Variants in FBLN2 observed in about 807,000 individuals in gnomAD.
FBLN2 encodes the protein fibulin-2.
In FBLN2, 81 loss-of-function variants were observed where a neutral mutation model predicts 123.7. The observed-to-expected ratio is 0.65, with a 90% confidence interval of 0.55 to 0.79. FBLN2 has a LOEUF of 0.79. FBLN2 is among the 30% of genes least tolerant of loss of function. The pLI is 0.00. For missense variants in FBLN2, 1,603 were observed against 1,681.3 expected (o/e 0.95, Z 0.81); for synonymous variants, 699 against 701.4 (o/e 1.00, Z 0.05).
At chr3:13,589,910 G>T (rs1185986791) in intron 2 of FBLN2, among the ~76,000 whole-genome samples, 1 of 152,130 alleles carries the variant, frequency 6.6e-6, no homozygotes, top group Non-Finnish European at 1.5e-5. Context: ...ACATGCTCTT[G>T]AGTGTCTTTT....
chr3:13,589,841 T>A (rs1214534424), intron 2 of FBLN2, among the ~76,000 whole-genome samples: 1 of 152,260 alleles, frequency 6.6e-6, no homozygotes, highest in Non-Finnish European at 1.5e-5. Context: ...GGTTTATTTT[T>A]GGTTGTTAAT....
chr3:13,636,308 T>G, intron 16 of FBLN2, 137 bp from the exon 17 acceptor site: 1 of 1,008,514 alleles, frequency 9.9e-7, no homozygotes, highest in Non-Finnish European at 1.4e-6. Flanking sequence ...AGATGGGGCA[T>G]GTGTGTGCAG....
chr3:13,562,222 T>C (rs1403317701), intron 1 of FBLN2, among the ~76,000 whole-genome samples: 1 of 152,240 alleles, frequency 6.6e-6, no homozygotes, highest in Non-Finnish European at 1.5e-5. Context: ...GCAGCCCTTA[T>C]TTCCTGTCCA....
chr3:13,634,798 G>A (rs35269817), intron 16 of FBLN2, among the ~76,000 whole-genome samples: 33,563 of 152,176 alleles, frequency 0.22, 3,886 homozygotes, highest in South Asian at 0.33. Flanking sequence ...GAGGCGGTCC[G>A]GGGGTATTGA....
Position 13,549,132 on chromosome 3 carries a change from G to A in FBLN2, c.-118G>A. On this transcript the variant is annotated 5_prime_UTR_variant, in exon 1 of 18. Transcript: ENST00000404922. ...CTCCGCCCCGCCCCGCGCGCACACA[G>A]CCAGGGGCCGCCCGGGCTCTCGACG... The A allele has an allele frequency of 1.0e-6, 1 of 983,012 alleles. No individual in the cohort carries two copies. Among genetic ancestry groups the A allele is most frequent in the Non-Finnish European group, 1.2e-6 (1 of 829,014 alleles). 60.9% of individuals were successfully genotyped at this position (983,012 alleles called of 1,614,324 possible). A position where few individuals can be genotyped will look rare whatever the true frequency, so the allele number is the denominator to read the frequency against.
intron 2 of FBLN2, among the ~76,000 whole-genome samples, chr3:13,585,597 A>G (rs1704470685): frequency 6.6e-6 from 1 of 152,212 alleles, no homozygotes; most frequent in Admixed American, 6.5e-5. Context: ...TGATGCTGGT[A>G]TAAGCAAACC....
At chr3:13,584,109 C>T (rs1418635318) in intron 2 of FBLN2, among the ~76,000 whole-genome samples, 3 of 152,192 alleles carry the variant, frequency 2.0e-5, no homozygotes, top group South Asian at 2.1e-4. Flanking sequence ...GCCCTGGGGC[C>T]GTGGAGGCCT....
intron 1 of FBLN2, among the ~76,000 whole-genome samples, chr3:13,570,079 G>A (rs1273491405): frequency 6.6e-6 from 1 of 152,136 alleles, no homozygotes; most frequent in Non-Finnish European, 1.5e-5. Context: ...GGGGCTGTCA[G>A]CGACTCCAGG....
At chr3:13,598,024 C>T (rs1243108518) in intron 2 of FBLN2, among the ~76,000 whole-genome samples, 1 of 152,328 alleles carries the variant, frequency 6.6e-6, no homozygotes, top group African/African-American at 2.4e-5. Context: ...CCCCCTCGGC[C>T]TGAGCTCCTG....
intron 16 of FBLN2, among the ~76,000 whole-genome samples, chr3:13,635,800 C>T (rs1315384576): frequency 6.6e-6 from 1 of 152,166 alleles, no homozygotes; most frequent in Non-Finnish European, 1.5e-5. Flanking sequence ...AACACCCCTG[C>T]CCTCCTGGAG....
chr3:13,627,224 A>G (rs1197660940), intron 10 of FBLN2, among the ~76,000 whole-genome samples: 4 of 151,972 alleles, frequency 2.6e-5, no homozygotes, highest in African/African-American at 9.7e-5. Context: ...GAGGGTGTTC[A>G]GGCAGAGGGG....
Position 13,618,063 on chromosome 3 carries a change from A to T in FBLN2, c.1730-13A>T, listed in dbSNP as rs2124892919. ...CAAGCTGGCTCTGTCTTGAGCTCTA[A>T]CCCCTGTCCTAGTTTCAGAGGCAGA... On this transcript the variant is annotated splice_polypyrimidine_tract_variant and intron_variant, in intron 5 of 17. Coordinates refer to ENST00000404922, the MANE Select transcript of FBLN2 (RefSeq NM_001004019.2). The T allele has an allele frequency of 1.2e-6, 2 of 1,611,790 alleles. No individual in the cohort carries two copies. The highest frequency in any genetic ancestry group is 2.7e-5 in the African/African-American group (2 of 74,882).
chr3:13,561,527 T>C (rs1261405741), intron 1 of FBLN2, among the ~76,000 whole-genome samples: 1 of 152,202 alleles, frequency 6.6e-6, no homozygotes, highest in Non-Finnish European at 1.5e-5. Flanking sequence ...GGCTGGTTTC[T>C]GCCTCAGGGC....
intron 11 of FBLN2, 88 bp from the exon 12 acceptor site, chr3:13,628,817 C>T (rs1461354973): frequency 2.1e-5 from 32 of 1,494,230 alleles, no homozygotes; most frequent in East Asian, 1.2e-4. Flanking sequence ...AGCCCAGGAC[C>T]GACCCCCTCC....
intron 16 of FBLN2, 141 bp downstream of exon 16, chr3:13,631,598 G>T: frequency 9.8e-6 from 10 of 1,025,176 alleles, no homozygotes; most frequent in Non-Finnish European, 1.4e-5. Context: ...AATGCTACCA[G>T]TGGCCATGTT....
chr3:13,611,349 G>T lies in FBLN2; in HGVS notation c.1548+1707G>T, dbSNP rs568861040. ...TGGCATGAAGCACATTCACACTGTT[G>T]CGCAGCCGTCACCACCAAGCACCCA... is the stretch of plus-strand genomic sequence containing the variant. On this transcript the variant is annotated intron_variant, in intron 4 of 17. Coordinates refer to ENST00000404922, the MANE Select transcript of FBLN2 (RefSeq NM_001004019.2). 8.5e-5 allele frequency among the ~76,000 whole-genome samples: 13 copies of T among 152,276 alleles called. No homozygotes were observed. The South Asian group carries it at 2.3e-3, about 27-fold the overall frequency.
At chr3:13,629,788 C>G (rs757171704) in intron 13 of FBLN2, 32 bp from the exon 14 acceptor site, 1 of 1,551,620 alleles carries the variant, frequency 6.4e-7, no homozygotes, top group Non-Finnish European at 8.7e-7. Context: ...TTAGGGCCAC[C>G]TACCCTGTAC....
Position 13,637,662 on chromosome 3 carries a change from C to A in FBLN2, c.3439C>A (p.Pro1147Thr), listed in dbSNP as rs761564457. The change falls in exon 18 of 18, where the codon CCT becomes ACT. Residue 1147 changes from proline to threonine, a missense_variant. Coordinates refer to ENST00000404922, the MANE Select transcript of FBLN2 (RefSeq NM_001004019.2). ...CAACTTCCAGACGGGCCTCCTGGTG[C>A]CTGCGCATATCTTCCGCATTGGCCC... ...QLNFQTGLLV[P>T]AHIFRIGPAP... The A allele has an allele frequency of 1.9e-6, 3 of 1,613,980 alleles. No homozygotes were observed. The highest frequency in any genetic ancestry group is 2.5e-6 in the Non-Finnish European group (3 of 1,179,880).
At chr3:13,615,051 A>G (rs1296386112) in intron 5 of FBLN2, among the ~76,000 whole-genome samples, 2 of 151,526 alleles carry the variant, frequency 1.3e-5, no homozygotes, top group Non-Finnish European at 2.9e-5. Flanking sequence ...CCTTGGTGTC[A>G]CCCCCTTCTT....
Sources: allele counts gnomAD v4.1 joint callset (sites outside exome capture counted in the v4.1 genomes callset), GRCh38; gene constraint gnomAD v4.1.1; transcripts MANE v1.5; gene names NCBI Gene and HGNC (gene_info 2026-07-23, HGNC 2026-07-21).